PREX1: variants seen among roughly 807,000 people sequenced by gnomAD.
PREX1 encodes the protein phosphatidylinositol 3,4,5-trisphosphate-dependent Rac exchanger 1 protein.
In PREX1, 41 loss-of-function variants were observed where a neutral mutation model predicts 198.3. The ratio of observed to expected loss-of-function variants is 0.21; its 90% CI spans 0.16 to 0.27. The LOEUF (loss-of-function observed/expected upper bound fraction) is 0.27, where lower values mean the gene tolerates loss of function less well. PREX1 is among the 10% of genes least tolerant of loss of function. The pLI, the probability that PREX1 is intolerant of heterozygous loss-of-function variation, is 1.00. For synonymous variants in PREX1, 843 were observed against 887.2 expected (o/e 0.95, Z 0.89); for missense variants, 1,620 against 2,200.7 (o/e 0.74, Z 5.28).
chr20:48,671,191 T>C (rs2089672837), intron 14 of PREX1, among the ~76,000 whole-genome samples: 1 of 152,202 alleles, frequency 6.6e-6, no homozygotes, highest in African/African-American at 2.4e-5. Flanking sequence ...ATCCAGCCAA[T>C]GAGACCTAAG....
intron 6 of PREX1, among the ~76,000 whole-genome samples, chr20:48,705,822 AT>A (rs1373371939): frequency 2.0e-5 from 3 of 152,236 alleles, no homozygotes; most frequent in Admixed American, 1.3e-4. Context: ...AACCAAAAAA[AT>A]AACTTCAGAG....
chr20:48,796,135 A>G (rs1289156890), intron 1 of PREX1, among the ~76,000 whole-genome samples: 1 of 152,188 alleles, frequency 6.6e-6, no homozygotes, highest in Non-Finnish European at 1.5e-5. Flanking sequence ...GTTATGAAAC[A>G]TTAATGAAAA....
chr20:48,791,344 C>T (rs1048812943), intron 1 of PREX1, among the ~76,000 whole-genome samples: 8 of 152,200 alleles, frequency 5.3e-5, no homozygotes, highest in African/African-American at 9.6e-5. Context: ...ACGTGCTGGA[C>T]GCTGTCCTAA....
rs117767288 is a variant in PREX1, at chr20:48,634,066, G to C, written c.4267+610C>G. 7.1e-3 allele frequency among the ~76,000 whole-genome samples: 827 copies of C among 116,274 alleles called. 25 individuals are homozygous for C. Among genetic ancestry groups the C allele is most frequent in the East Asian group, 0.057 (234 of 4,104 alleles). 76.3% of individuals were successfully genotyped at this position (116,274 alleles called of 152,430 possible). A position where few individuals can be genotyped will look rare whatever the true frequency, so the allele number is the denominator to read the frequency against. ...GGATGCATGGATGGATGGATGAGTG[G>C]GATGGATGGATGGATGGACGGATGG... On this transcript the variant is annotated intron_variant, in intron 33 of 39. Transcript: ENST00000371941.
chr20:48,650,253 G>A (rs369356885), intron 23 of PREX1, 47 bp from the exon 24 acceptor site: 1 of 1,547,774 alleles, frequency 6.5e-7, no homozygotes, highest in Non-Finnish European at 8.9e-7. Context: ...GGCAGGGTCT[G>A]GAAATATTGG....
intron 1 of PREX1, among the ~76,000 whole-genome samples, chr20:48,756,986 A>C (rs1201673535): frequency 6.6e-6 from 1 of 152,126 alleles, no homozygotes; most frequent in Non-Finnish European, 1.5e-5. Context: ...AGACTTACTC[A>C]CTATCACGAG....
intron 25 of PREX1, among the ~76,000 whole-genome samples, chr20:48,649,054 G>A (rs1356020471): frequency 6.6e-6 from 1 of 152,190 alleles, no homozygotes; most frequent in Non-Finnish European, 1.5e-5. Flanking sequence ...GTGGTTCTCA[G>A]TCAGGGATGA....
At position 48,627,989 on chromosome 20, in the gene PREX1, G is replaced by T. The variant is rs764249790; in HGVS notation, c.4767-26C>A. 12 of 1,465,438 alleles carry T rather than the reference G, an allele frequency of 8.2e-6. No individual in the cohort carries two copies. The South Asian group carries it at 1.2e-4, about 14-fold the overall frequency. 90.8% of individuals were successfully genotyped at this position (1,465,438 alleles called of 1,614,324 possible). ...CTGCAGCAGGGGAGGGAGGACAGCGGGTTGGCGGTGGGGGGACAGGGGTCG... is the reference window on the plus strand; with the variant it reads ...CTGCAGCAGGGGAGGGAGGACAGCGTGTTGGCGGTGGGGGGACAGGGGTCG... On this transcript the variant is annotated intron_variant, in intron 37 of 39. Coordinates refer to ENST00000371941, the MANE Select transcript of PREX1 (RefSeq NM_020820.4).
At position 48,827,609 on chromosome 20, in the gene PREX1, A is replaced by G; in HGVS notation, c.219+33T>C. ...CGCAGCGGGGCGAGCGGCTGGAGGG[A>G]AAGCTGTCCCCAAGCTCCCGAGCGA... On this transcript the variant is annotated intron_variant, in intron 1 of 39. Coordinates refer to ENST00000371941, the MANE Select transcript of PREX1 (RefSeq NM_020820.4). The surrounding 1 kb of genome is among the most constrained non-coding windows in gnomAD (Gnocchi z 4.1). 1 of 1,239,080 alleles carries G rather than the reference A, an allele frequency of 8.1e-7. No homozygotes were observed. The highest frequency in any genetic ancestry group is 1.0e-6 in the Non-Finnish European group (1 of 977,014). The allele number at this position is 1,239,080 out of a possible 1,614,324, so 76.8% of individuals were successfully genotyped here. A position where few individuals can be genotyped will look rare whatever the true frequency, so the allele number is the denominator to read the frequency against.
intron 6 of PREX1, among the ~76,000 whole-genome samples, chr20:48,704,775 CA>C (rs1351557590): frequency 6.6e-6 from 1 of 152,208 alleles, no homozygotes; most frequent in Non-Finnish European, 1.5e-5. Context: ...AGGCTGGTCT[CA>C]AACTCCTGGC....
chr20:48,647,748 G>C (rs560466651), intron 25 of PREX1, among the ~76,000 whole-genome samples: 1 of 152,220 alleles, frequency 6.6e-6, no homozygotes, highest in South Asian at 2.1e-4. Flanking sequence ...TGGCTCTAGA[G>C]TCTACATTCT....
chr20:48,671,356 C>G (rs2089673880), intron 14 of PREX1, among the ~76,000 whole-genome samples: 1 of 152,198 alleles, frequency 6.6e-6, no homozygotes, highest in Non-Finnish European at 1.5e-5. Context: ...TATGAGGCAA[C>G]TCATAAGAAG....
chr20:48,784,859 T>C (rs1286400281), intron 1 of PREX1, among the ~76,000 whole-genome samples: 4 of 152,154 alleles, frequency 2.6e-5, no homozygotes, highest in Non-Finnish European at 5.9e-5. Flanking sequence ...TGCAATCTCA[T>C]TGAAGTATAT....
chr20:48,684,755 C>A lies in PREX1; in HGVS notation c.1335-3420G>T, dbSNP rs939919657. Among the ~76,000 whole-genome samples the A allele has an allele frequency of 6.6e-6, 1 of 152,164 alleles. No individual in the cohort carries two copies. Among genetic ancestry groups the A allele is most frequent in the Non-Finnish European group, 1.5e-5 (1 of 68,040 alleles). On this transcript the variant is annotated intron_variant, in intron 10 of 39. Coordinates refer to ENST00000371941, the MANE Select transcript of PREX1 (RefSeq NM_020820.4). This position sits in a 1 kb window ranked among gnomAD's most constrained non-coding sequence, Gnocchi z 4.2. ...ATGTGAGCTGCCTGCCAAGGCCCTG[C>A]CTGAGGTGACCCACTTTAACTGCTG... is the stretch of plus-strand genomic sequence containing the variant.
chr20:48,725,028 G>A (rs6095258), intron 5 of PREX1, among the ~76,000 whole-genome samples: 2 of 152,202 alleles, frequency 1.3e-5, no homozygotes, highest in Admixed American at 1.3e-4. Flanking sequence ...CCACCCCCAC[G>A]GCTGCGCACA....
intron 3 of PREX1, among the ~76,000 whole-genome samples, chr20:48,735,503 C>T (rs937999143): frequency 2.6e-5 from 4 of 152,182 alleles, no homozygotes; most frequent in African/African-American, 9.7e-5. Flanking sequence ...CCAGCTCACT[C>T]TGGGGGCTCT....
chr20:48,862,789 AAAT>A, the PREX1 span, among the ~76,000 whole-genome samples: 7 of 76,220 alleles, frequency 9.2e-5, no homozygotes, highest in African/African-American at 3.2e-4. Context: ...CTAAAAAAAA[AAAT>A]ATATATATAT....
intron 10 of PREX1, among the ~76,000 whole-genome samples, 187 bp downstream of exon 10, chr20:48,688,470 C>A (rs1219964710): frequency 7.2e-5 from 11 of 152,040 alleles, no homozygotes; most frequent in Non-Finnish European, 1.6e-4. Flanking sequence ...GGTTGAAAGA[C>A]CTGATTTAGG....
chr20:48,844,682 G>A, the PREX1 span, among the ~76,000 whole-genome samples: 5 of 152,148 alleles, frequency 3.3e-5, no homozygotes, highest in Admixed American at 2.0e-4. Context: ...CCCACGAACG[G>A]AGACCGTGCC....
Sources: gnomAD v4.1 joint callset for allele counts (sites outside exome capture counted in the v4.1 genomes callset) on GRCh38, gnomAD v4.1.1 for gene constraint, Gnocchi (gnomAD v3.1) non-coding constraint, MANE v1.5 for transcripts, NCBI Gene and HGNC (gene_info 2026-07-23, HGNC 2026-07-21) for gene names.